The following RAB19 variants were observed in gnomAD, a reference collection of about 807,000 sequenced individuals.
RAB19 encodes the protein RAB19, member RAS oncogene family.
Under a neutral mutation model 17.3 loss-of-function variants are expected in RAB19, and 21 were observed. The ratio of observed to expected loss-of-function variants is 1.21; its 90% CI spans 0.86 to 1.74. The LOEUF is 1.74. Ranked by LOEUF, RAB19 falls within the 40% of genes most tolerant of loss-of-function variation. The pLI is 0.00. For synonymous variants in RAB19, 126 were observed against 110.4 expected, an observed-to-expected ratio of 1.14 and a Z score of -0.88; for missense variants, 277 against 286.8, an observed-to-expected ratio of 0.97 and a Z score of 0.25.
At chr7:140,413,600 T>C (rs1310101676) in intron 3 of RAB19, among the ~76,000 whole-genome samples, 1 of 151,618 alleles carries the variant, frequency 6.6e-6, no homozygotes, top group Non-Finnish European at 1.5e-5. Context: ...ACTTGAGAGG[T>C]TGGGGTGGGG....
At chr7:140,412,305 A>G (rs1262562251) in intron 3 of RAB19, among the ~76,000 whole-genome samples, 1 of 152,030 alleles carries the variant, frequency 6.6e-6, no homozygotes, top group Non-Finnish European at 1.5e-5. Context: ...CAAAAAAATT[A>G]GACAGGCGTA....
chr7:140,405,788 C>CAAAAA (rs35424074), intron 1 of RAB19, among the ~76,000 whole-genome samples: 1 of 108,844 alleles, frequency 9.2e-6, no homozygotes, highest in African/African-American at 3.3e-5. Flanking sequence ...GACTCTGTCT[C>CAAAAA]AAAAAAAAAA....
At chr7:140,405,781 TCTGTC>T in intron 1 of RAB19, among the ~76,000 whole-genome samples, 1 of 100,276 alleles carries the variant, frequency 1.0e-5, no homozygotes. Flanking sequence ...AGAGCGAGAC[TCTGTC>T]TCAAAAAAAA....
chr7:140,409,816 AC>A (rs1246217791), intron 2 of RAB19, among the ~76,000 whole-genome samples: 3 of 151,384 alleles, frequency 2.0e-5, no homozygotes, highest in African/African-American at 4.9e-5. Context: ...ACACGGTGAA[AC>A]CCCGTCTCTA....
At chr7:140,422,188 A>T (rs1014741774) in intron 3 of RAB19, among the ~76,000 whole-genome samples, 13 of 152,090 alleles carry the variant, frequency 8.5e-5, no homozygotes, top group African/African-American at 3.1e-4. Flanking sequence ...GGAGTTCAAG[A>T]CCAGCCTGGC....
At chr7:140,404,535 G>C (rs184061521) in intron 1 of RAB19, 1 of 152,356 alleles carries the variant, frequency 6.6e-6, no homozygotes. Flanking sequence ...AGGTCCAAGA[G>C]AGGTATGGGA....
At chr7:140,406,085 A>G (rs760630914) in intron 1 of RAB19, among the ~76,000 whole-genome samples, 21 of 152,006 alleles carry the variant, frequency 1.4e-4, no homozygotes, top group Non-Finnish European at 2.5e-4. Context: ...TCGACTAAAA[A>G]TACAAAAATT....
intron 3 of RAB19, among the ~76,000 whole-genome samples, chr7:140,414,138 G>A (rs1039957901): frequency 3.3e-5 from 5 of 152,016 alleles, no homozygotes; most frequent in African/African-American, 9.7e-5. Flanking sequence ...TCTGCCTCTC[G>A]GGTTCAAGCA....
chr7:140,424,661 G>A (rs1035833491), intron 3 of RAB19, among the ~76,000 whole-genome samples: 4 of 119,554 alleles, frequency 3.3e-5, no homozygotes, highest in African/African-American at 1.0e-4. Flanking sequence ...ATATATGTGT[G>A]TGTATATATA....
At position 140,427,533 on chromosome 7, in the gene RAB19, C is replaced by T. The variant is rs1415041166; in HGVS notation, c.*1383C>T. Among the ~76,000 whole-genome samples, 2 of 148,170 alleles carry T rather than the reference C, an allele frequency of 1.3e-5. No individual in the cohort carries two copies. The highest frequency in any genetic ancestry group is 5.0e-5 in the African/African-American group (2 of 40,022). On this transcript the variant is annotated 3_prime_UTR_variant, in exon 4 of 4. Coordinates refer to ENST00000537763, the MANE Select transcript of RAB19 (RefSeq NM_001008749.3). Reference sequence around the variant, plus strand: ...ATGGTGTGACCTCGGCTCACTGCAACTTCTGCCTTCCAGATTCAAGTGATT... The same window carrying T: ...ATGGTGTGACCTCGGCTCACTGCAATTTCTGCCTTCCAGATTCAAGTGATT...
Position 140,407,800 on chromosome 7 carries a change from G to C in RAB19, c.154G>C (p.Val52Leu), listed in dbSNP as rs748738710. ...TGAGACACAGCAGAACACGATTGGA[G>C]TGGACTTTACCGTGCGTTCCCTTGA... is the stretch of plus-strand genomic sequence containing the variant. Reference protein sequence around the residue: ...YTETQQNTIGVDFTVRSLDID... With the variant: ...YTETQQNTIGLDFTVRSLDID... Residue 52 changes from valine to leucine, a missense_variant, in exon 2 of 4, where the codon GTG (valine) becomes CTG (leucine). Physicochemically the swap from Val to Leu is conservative, Grantham distance 32. Coordinates refer to ENST00000537763, the MANE Select transcript of RAB19 (RefSeq NM_001008749.3). 3.1e-6 allele frequency: 5 copies of C among 1,610,986 alleles called. No homozygotes were observed. The East Asian group carries it at 6.7e-5, about 22-fold the overall frequency.
intron 3 of RAB19, among the ~76,000 whole-genome samples, chr7:140,414,407 C>T (rs1260838931): frequency 6.6e-6 from 1 of 152,186 alleles, no homozygotes; most frequent in Non-Finnish European, 1.5e-5. Context: ...GCCTCTCCCC[C>T]AGCCAGCTCC....
rs560676029 is a variant in RAB19, at chr7:140,411,963, T to C, written c.291T>C (p.Tyr97=). 6.3e-5 allele frequency: 102 copies of C among 1,614,192 alleles called. No homozygotes were observed. Among genetic ancestry groups the C allele is most frequent in the Admixed American group, 2.3e-4 (14 of 60,016 alleles). The change falls in exon 3 of 4, where the codon TAT becomes TAC. Residue 97 remains tyrosine, a synonymous_variant. Transcript: ENST00000537763. ...YRSAHAAIIA[Y]DLTRRSTFES... ...GTGCCCACGCAGCCATCATCGCCTATGACCTCACCCGGCGGTCCACGTTCG... is the reference window on the plus strand; with the variant it reads ...GTGCCCACGCAGCCATCATCGCCTACGACCTCACCCGGCGGTCCACGTTCG...
intron 1 of RAB19, among the ~76,000 whole-genome samples, chr7:140,405,352 C>T (rs1209601342): frequency 1.3e-5 from 2 of 152,096 alleles, no homozygotes; most frequent in African/African-American, 2.4e-5. Flanking sequence ...TCCCAAGTAG[C>T]TGGGATTACA....
intron 2 of RAB19, 107 bp from the exon 3 acceptor site, chr7:140,411,767 C>G: frequency 3.7e-6 from 6 of 1,600,212 alleles, no homozygotes; most frequent in Non-Finnish European, 5.1e-6. Flanking sequence ...GTCTGAATAT[C>G]TAGAAGTGAG....
In RAB19 at chr7:140,426,455, C is replaced by T. The variant is rs1482675808; in HGVS notation, c.*305C>T. On this transcript the variant is annotated 3_prime_UTR_variant, in exon 4 of 4. Transcript: ENST00000537763. Reference sequence around the variant, plus strand: ...TTCTCCCCTTTCACTTTTCTGTCTCCCTAGAGCTTCTGCTGCTTTCTACTG... The same window carrying T: ...TTCTCCCCTTTCACTTTTCTGTCTCTCTAGAGCTTCTGCTGCTTTCTACTG... Among the ~76,000 whole-genome samples the T allele has an allele frequency of 6.6e-6, 1 of 152,132 alleles. No homozygotes were observed. The highest frequency in any genetic ancestry group is 6.6e-5 in the Admixed American group (1 of 15,264).
intron 3 of RAB19, among the ~76,000 whole-genome samples, chr7:140,418,723 A>T (rs1026367933): frequency 1.3e-5 from 2 of 151,640 alleles, no homozygotes; most frequent in African/African-American, 4.8e-5. Flanking sequence ...GCTGGGTATG[A>T]TGGCATGCGC....
intron 3 of RAB19, among the ~76,000 whole-genome samples, chr7:140,414,905 T>C (rs1318702354): frequency 6.6e-6 from 1 of 152,006 alleles, no homozygotes; most frequent in Non-Finnish European, 1.5e-5. Context: ...AATGTCCCCA[T>C]GTAAAACCCT....
chr7:140,412,075 T>A lies in RAB19; in HGVS notation c.385+18T>A. On this transcript the variant is annotated intron_variant, in intron 3 of 3. Transcript: ENST00000537763. ...GCTGATTGGTATGGCATTTTTGAAGTTTTTAACTTTTGTTTACTCTCCTCT... is the reference window on the plus strand; with the variant it reads ...GCTGATTGGTATGGCATTTTTGAAGATTTTAACTTTTGTTTACTCTCCTCT... 1 of 1,602,524 alleles carries A rather than the reference T, an allele frequency of 6.2e-7. No homozygotes were observed. The highest frequency in any genetic ancestry group is 8.5e-7 in the Non-Finnish European group (1 of 1,177,240).
Sources: allele counts gnomAD v4.1 joint callset (sites outside exome capture counted in the v4.1 genomes callset), GRCh38; gene constraint gnomAD v4.1.1; transcripts MANE v1.5; gene names NCBI Gene and HGNC (gene_info 2026-07-23, HGNC 2026-07-21).